The following RUSC2 variants were observed in gnomAD, a reference collection of about 807,000 sequenced individuals.
The protein encoded by RUSC2 is AP-4 complex accessory subunit RUSC2.
In RUSC2, 34 loss-of-function variants were observed where a neutral mutation model predicts 122.2. The ratio of observed to expected loss-of-function variants is 0.28; its 90% CI spans 0.21 to 0.37. The LOEUF is 0.37. Ranked by LOEUF, RUSC2 falls within the 10% of genes least tolerant of loss-of-function variation. RUSC2 has a pLI of 1.00. For synonymous variants in RUSC2, 784 were observed against 790.0 expected (o/e 0.99, Z 0.13); for missense variants, 1,747 against 1,952.4 (o/e 0.89, Z 1.98).
Position 35,545,832 on chromosome 9 carries a change from C to G in RUSC2, c.-92-598C>G, listed in dbSNP as rs1223534621. Among the ~76,000 whole-genome samples, 3 of 152,168 alleles carry G rather than the reference C, an allele frequency of 2.0e-5. No homozygotes were observed. The East Asian group carries it at 5.8e-4, about 29-fold the overall frequency. ...AGTGAGGATAGTAAGGATACTTAGC[C>G]CACGGTCATCAGAAAGGGACAAATA... On this transcript the variant is annotated intron_variant, in intron 1 of 11. Transcript: ENST00000361226.
chr9:35,542,732 A>G (rs1247870468), intron 1 of RUSC2, among the ~76,000 whole-genome samples: 1 of 152,242 alleles, frequency 6.6e-6, no homozygotes, highest in African/African-American at 2.4e-5. Flanking sequence ...ATATGTCAAC[A>G]TCACATTACA....
chr9:35,552,222 A>G (rs1297658095), intron 2 of RUSC2, among the ~76,000 whole-genome samples: 2 of 149,326 alleles, frequency 1.3e-5, no homozygotes, highest in Non-Finnish European at 3.0e-5. Context: ...TTAGCTAGGC[A>G]TGGTGGCGCA....
chr9:35,516,916 C>T (rs1469434067), intron 1 of RUSC2, among the ~76,000 whole-genome samples: 1 of 152,114 alleles, frequency 6.6e-6, no homozygotes, highest in Non-Finnish European at 1.5e-5. Flanking sequence ...CAAATATTCT[C>T]ACCAAAAGAA....
intron 1 of RUSC2, among the ~76,000 whole-genome samples, chr9:35,534,997 T>A (rs545471157): frequency 1.4e-4 from 21 of 152,260 alleles, no homozygotes; most frequent in Admixed American, 1.1e-3. Context: ...TATTTTTTCA[T>A]TTTGCCAGCA....
intron 1 of RUSC2, among the ~76,000 whole-genome samples, chr9:35,493,788 C>CCACTGCA (rs757705225): frequency 2.0e-5 from 3 of 151,892 alleles, no homozygotes; most frequent in Non-Finnish European, 4.4e-5. Context: ...CAGGTGTGAG[C>CCACTGCA]CACTGCACCT....
At chr9:35,519,030 T>A (rs1482517269) in intron 1 of RUSC2, among the ~76,000 whole-genome samples, 3 of 152,376 alleles carry the variant, frequency 2.0e-5, no homozygotes, top group Non-Finnish European at 4.4e-5. Flanking sequence ...GAGGTCCATC[T>A]GGTCCCAGAG....
At chr9:35,538,153 C>G (rs1226182102) in intron 1 of RUSC2, among the ~76,000 whole-genome samples, 1 of 152,174 alleles carries the variant, frequency 6.6e-6, no homozygotes, top group African/African-American at 2.4e-5. Flanking sequence ...CCAGCTGGAC[C>G]CAGCTGAGCA....
In RUSC2 at chr9:35,513,903, CATATATATATAT is replaced by C. The variant is rs3068511; in HGVS notation, c.-93+23756_-93+23767del. On this transcript the variant is annotated intron_variant, in intron 1 of 11. Transcript: ENST00000361226. The stretch of plus-strand genomic sequence containing the variant: ...CTTTTGTAAATAGTGCTTCAACAAA[CATATATATATAT>C]ATATATATATATATATATATATATT... Among the ~76,000 whole-genome samples the C allele has an allele frequency of 1.6e-3, 164 of 104,224 alleles. 2 individuals are homozygous for C. The highest frequency in any genetic ancestry group is 0.011 in the South Asian group (31 of 2,816). The allele number at this position is 104,224 out of a possible 152,430, so 68.4% of individuals were successfully genotyped here. A position where few individuals can be genotyped will look rare whatever the true frequency, so the allele number is the denominator to read the frequency against.
intron 1 of RUSC2, among the ~76,000 whole-genome samples, chr9:35,509,598 T>G (rs940014845): frequency 2.5e-4 from 38 of 152,298 alleles, no homozygotes; most frequent in African/African-American, 8.9e-4. Context: ...TGAAGAAAAG[T>G]TAAAGAATTT....
chr9:35,529,848 C>CCTG (rs1554725432), intron 1 of RUSC2, among the ~76,000 whole-genome samples: 4 of 152,090 alleles, frequency 2.6e-5, no homozygotes, highest in Non-Finnish European at 5.9e-5. Flanking sequence ...TTCTTCCTTA[C>CCTG]CTTCTTCTTC....
chr9:35,558,054 C>T lies in RUSC2; in HGVS notation c.3060+64C>T. The T allele has an allele frequency of 6.3e-7, 1 of 1,583,058 alleles. No individual in the cohort carries two copies. Among genetic ancestry groups the T allele is most frequent in the Non-Finnish European group, 8.7e-7 (1 of 1,152,392 alleles). Reference sequence around the variant, plus strand: ...AGCCCTCACCTGTCCCGCGCTACCACCTTCCCTTGCTGTCTTGCATTTAGA... The same window carrying T: ...AGCCCTCACCTGTCCCGCGCTACCATCTTCCCTTGCTGTCTTGCATTTAGA... On this transcript the variant is annotated intron_variant, in intron 6 of 11. Transcript: ENST00000361226. The surrounding 1 kb of genome is among the most constrained non-coding windows in gnomAD (Gnocchi z 4.3).
At chr9:35,501,970 A>T (rs1820824708) in intron 1 of RUSC2, among the ~76,000 whole-genome samples, 1 of 152,044 alleles carries the variant, frequency 6.6e-6, no homozygotes, top group South Asian at 2.1e-4. Flanking sequence ...AATAATGTTT[A>T]TACTTCTAAA....
At chr9:35,529,363 T>C (rs1156264568) in intron 1 of RUSC2, among the ~76,000 whole-genome samples, 1 of 151,150 alleles carries the variant, frequency 6.6e-6, no homozygotes, top group Non-Finnish European at 1.5e-5. Flanking sequence ...ACTTCTCAGC[T>C]CCAGCTGATT....
Position 35,560,656 on chromosome 9 carries a change from G to A in RUSC2, c.4016G>A (p.Arg1339Lys). 6.3e-7 allele frequency: 1 copy of A among 1,590,924 alleles called. No individual in the cohort carries two copies. ...TCTGAGGAGGCCCTGGGCCGGGAAA[G>A]GGGCTGGCCCTTCTGGATGGGGAGC... The part of the protein sequence containing the change: ...PASEEALGRE[R>K]GWPFWMGSPP... Residue 1339 changes from arginine to lysine, a missense_variant, in exon 10 of 12, where the codon AGG becomes AAG. Arg to Lys is a conservative substitution (Grantham distance 26). Coordinates refer to ENST00000361226, the MANE Select transcript of RUSC2 (RefSeq NM_014806.5).
At position 35,548,180 on chromosome 9, in the gene RUSC2, A is replaced by G. The variant is rs778017922; in HGVS notation, c.1659A>G (p.Lys553=). 1 of 1,613,346 alleles carries G rather than the reference A, an allele frequency of 6.2e-7. No individual in the cohort carries two copies. The highest frequency in any genetic ancestry group is 2.2e-5 in the East Asian group (1 of 44,878). ...SFAELAKGRK[K]TGGSGSPPLR... ...CCGAGCTGGCCAAGGGCCGGAAGAA[A>G]ACTGGAGGCTCTGGCTCGCCCCCAC... The change falls in exon 2 of 12, where the codon AAA becomes AAG. Residue 553 remains lysine, a synonymous_variant. Transcript: ENST00000361226. The surrounding 1 kb of genome is among the most constrained non-coding windows in gnomAD (Gnocchi z 4.5).
intron 1 of RUSC2, among the ~76,000 whole-genome samples, chr9:35,504,580 C>G (rs1820878298): frequency 6.6e-6 from 1 of 152,032 alleles, no homozygotes; most frequent in South Asian, 2.1e-4. Context: ...ATTCTCCTGC[C>G]TCAGCCTCCC....
At chr9:35,531,344 A>G (rs537109937) in intron 1 of RUSC2, among the ~76,000 whole-genome samples, 2 of 152,206 alleles carry the variant, frequency 1.3e-5, no homozygotes, top group East Asian at 3.9e-4. Flanking sequence ...TGCTGAAGGA[A>G]GTTGAGGAGA....
chr9:35,541,879 T>C (rs1821647870), intron 1 of RUSC2, among the ~76,000 whole-genome samples: 1 of 149,802 alleles, frequency 6.7e-6, no homozygotes, highest in African/African-American at 2.4e-5. Context: ...TATAATTATT[T>C]TAAAATTTTT....
intron 1 of RUSC2, among the ~76,000 whole-genome samples, chr9:35,506,421 G>A (rs1390971263): frequency 2.0e-5 from 3 of 152,180 alleles, no homozygotes; most frequent in South Asian, 2.1e-4. Flanking sequence ...CCCACAATTC[G>A]TGATAGGCTT....
Sources: allele counts gnomAD v4.1 joint callset (sites outside exome capture counted in the v4.1 genomes callset), GRCh38; gene constraint gnomAD v4.1.1; non-coding constraint Gnocchi (gnomAD v3.1); transcripts MANE v1.5; gene names NCBI Gene and HGNC (gene_info 2026-07-23, HGNC 2026-07-21).